ASCC1: variants seen among roughly 807,000 people sequenced by gnomAD.
The protein encoded by ASCC1 is ASC-1 complex subunit P50.
Under a neutral mutation model 46.6 loss-of-function variants are expected in ASCC1, and 35 were observed. That is an observed-to-expected ratio of 0.75 (90% CI 0.57 to 0.99). The LOEUF is 0.99. ASCC1 is among the 50% of genes least tolerant of loss of function. The pLI is 0.00. For synonymous variants in ASCC1, 143 were observed against 146.6 expected (o/e 0.98, Z 0.18); for missense variants, 376 against 428.7 (o/e 0.88, Z 1.09).
intron 6 of ASCC1, among the ~76,000 whole-genome samples, chr10:72,157,984 A>G (rs1365279130): frequency 6.6e-6 from 1 of 152,164 alleles, no homozygotes; most frequent in African/African-American, 2.4e-5. Context: ...TGACTGTAAC[A>G]TTTCTTTTGT....
At chr10:72,120,111 C>A (rs1844014189) in intron 9 of ASCC1, among the ~76,000 whole-genome samples, 1 of 152,076 alleles carries the variant, frequency 6.6e-6, no homozygotes, top group East Asian at 1.9e-4. Context: ...GCCTGTAATC[C>A]CAGATACTCG....
At chr10:72,189,014 C>G (rs1195234755) in intron 5 of ASCC1, among the ~76,000 whole-genome samples, 2 of 152,054 alleles carry the variant, frequency 1.3e-5, no homozygotes, top group Admixed American at 1.3e-4. Context: ...CCTCGGCCTC[C>G]CAAAGTGCTG....
At chr10:72,176,838 G>A (rs569805836) in intron 5 of ASCC1, among the ~76,000 whole-genome samples, 12 of 152,018 alleles carry the variant, frequency 7.9e-5, no homozygotes, top group East Asian at 5.8e-4. Flanking sequence ...TTTCCTCTGC[G>A]CAGAATGCTC....
intron 6 of ASCC1, among the ~76,000 whole-genome samples, chr10:72,160,852 G>C (rs979624225): frequency 6.6e-6 from 1 of 150,490 alleles, no homozygotes; most frequent in Admixed American, 6.6e-5. Context: ...GGGAGGCCAA[G>C]GCGGGCGGAT....
intron 9 of ASCC1, among the ~76,000 whole-genome samples, chr10:72,114,735 T>A: frequency 6.6e-6 from 1 of 152,172 alleles, no homozygotes; most frequent in Admixed American, 6.5e-5. Flanking sequence ...AATTAGTTTA[T>A]CTTGAGGGCC....
In ASCC1 at chr10:72,197,363, G is replaced by A. The variant is rs148783705; in HGVS notation, c.311-374C>T. Among the ~76,000 whole-genome samples, 167 of 150,914 alleles carry A rather than the reference G, an allele frequency of 1.1e-3. 4 individuals carry two copies. The highest frequency in any genetic ancestry group is 3.2e-3 in the African/African-American group (133 of 41,136). ...CGGGCGCCTGTAGTCCCAGCTACTC[G>A]GAAGGCTAAGGCACGGATGGAGGGA... On this transcript the variant is annotated intron_variant, in intron 4 of 9. Coordinates refer to ENST00000672957, the MANE Select transcript of ASCC1 (RefSeq NM_001198800.3).
rs761851091 is a variant in ASCC1, at chr10:72,187,719, C to CAAAAAA, written c.489+9086_489+9091dup. ...TGGGTGACAGAGCGAGAATCCGTCT[C>CAAAAAA]AAAAAAAAAAAAAAAAAAAAAAACT... On this transcript the variant is annotated intron_variant, in intron 5 of 9. Coordinates refer to ENST00000672957, the MANE Select transcript of ASCC1 (RefSeq NM_001198800.3). Among the ~76,000 whole-genome samples, 61 of 35,202 alleles carry CAAAAAA rather than the reference C, an allele frequency of 1.7e-3. 3 individuals carry two copies. The highest frequency in any genetic ancestry group is 6.5e-3 in the African/African-American group (60 of 9,188). The allele number at this position is 35,202 out of a possible 152,430, so 23.1% of individuals were successfully genotyped here.
At chr10:72,189,998 T>G (rs1438605606) in intron 5 of ASCC1, 5 of 757,658 alleles carry the variant, frequency 6.6e-6, no homozygotes, top group Non-Finnish European at 1.2e-5. Context: ...TGATGTCATG[T>G]GCTTTCTTCT....
intron 5 of ASCC1, among the ~76,000 whole-genome samples, chr10:72,170,331 T>C (rs1264833794): frequency 1.3e-5 from 2 of 152,066 alleles, no homozygotes; most frequent in Admixed American, 6.6e-5. Flanking sequence ...GGACACTGTA[T>C]ACTCTAAGAA....
chr10:72,137,154 G>A (rs1034376578), intron 7 of ASCC1, among the ~76,000 whole-genome samples: 3 of 151,758 alleles, frequency 2.0e-5, no homozygotes, highest in Admixed American at 1.3e-4. Context: ...GGCCTCAAGC[G>A]ACCTTCCCTC....
At chr10:72,167,020 C>G (rs976240948) in intron 5 of ASCC1, among the ~76,000 whole-genome samples, 11 of 152,116 alleles carry the variant, frequency 7.2e-5, no homozygotes, top group African/African-American at 2.7e-4. Flanking sequence ...CTTTGGAAAA[C>G]AGTTTGGCAG....
At chr10:72,102,230 T>C in intron 9 of ASCC1, 1 of 980,666 alleles carries the variant, frequency 1.0e-6, no homozygotes, top group South Asian at 1.4e-5. Flanking sequence ...AATGGGTGTA[T>C]ATGAGGCTGC....
chr10:72,180,147 C>T (rs112270573), intron 5 of ASCC1, among the ~76,000 whole-genome samples: 3,926 of 152,084 alleles, frequency 0.026, 196 homozygotes, highest in African/African-American at 0.09. Flanking sequence ...GGCATGTTGG[C>T]ACATGCCTAT....
intron 5 of ASCC1, among the ~76,000 whole-genome samples, chr10:72,185,734 T>A (rs1220382605): frequency 6.6e-6 from 1 of 152,314 alleles, no homozygotes; most frequent in East Asian, 1.9e-4. Flanking sequence ...TTGTTTGTGA[T>A]GGTTGTTACA....
intron 6 of ASCC1, among the ~76,000 whole-genome samples, chr10:72,157,395 C>T (rs1448716613): frequency 6.6e-6 from 1 of 152,150 alleles, no homozygotes; most frequent in Admixed American, 6.5e-5. Context: ...AGCTCTCACC[C>T]TGCATAGTTA....
rs1416033569 is a variant in ASCC1, at chr10:72,213,351, T to C, written c.-33-20A>G. The C allele has an allele frequency of 7.7e-7, 1 of 1,294,196 alleles. No homozygotes were observed. The allele number at this position is 1,294,196 out of a possible 1,614,324, so 80.2% of individuals were successfully genotyped here. On this transcript the variant is annotated intron_variant, in intron 1 of 9. Transcript: ENST00000672957. ...TATGCCCTGAAAAATATAATTACCA[T>C]CTTACCTTTCTTAGTGAGAATTAAA... is the stretch of plus-strand genomic sequence containing the variant.
At chr10:72,181,793 C>A (rs941918016) in intron 5 of ASCC1, among the ~76,000 whole-genome samples, 1 of 152,008 alleles carries the variant, frequency 6.6e-6, no homozygotes, top group Non-Finnish European at 1.5e-5. Flanking sequence ...TCAAGCGATT[C>A]TTGTGCCTCA....
intron 5 of ASCC1, among the ~76,000 whole-genome samples, chr10:72,179,489 T>A (rs1035159696): frequency 6.6e-6 from 1 of 152,172 alleles, no homozygotes; most frequent in Non-Finnish European, 1.5e-5. Context: ...TCAAATAACT[T>A]TTCCTCAGTG....
intron 9 of ASCC1, among the ~76,000 whole-genome samples, chr10:72,120,930 GAA>G (rs1432157901): frequency 2.0e-5 from 3 of 152,158 alleles, no homozygotes; most frequent in African/African-American, 4.8e-5. Context: ...AAAAAAGGCA[GAA>G]AAAGTGTGGG....
Sources: allele counts gnomAD v4.1 joint callset (sites outside exome capture counted in the v4.1 genomes callset), GRCh38; gene constraint gnomAD v4.1.1; transcripts MANE v1.5; gene names NCBI Gene and HGNC (gene_info 2026-07-23, HGNC 2026-07-21).